The following CEP290 variants were observed in gnomAD, a reference collection of about 807,000 sequenced individuals.
CEP290 encodes the protein centrosomal protein of 290 kDa.
Under a neutral mutation model 344.9 loss-of-function variants are expected in CEP290, and 317 were observed. That is an observed-to-expected ratio of 0.92 (90% CI 0.84 to 1.01). CEP290 has a LOEUF of 1.01. Among genes scored for constraint, CEP290 ranks in the 50% least tolerant of loss-of-function variants. The pLI is 0.00. For missense variants in CEP290, 2,754 were observed against 2,761.4 expected, an observed-to-expected ratio of 1.00 and a Z score of 0.06; for synonymous variants, 932 against 895.8, an observed-to-expected ratio of 1.04 and a Z score of -0.72.
At chr12:88,141,653 G>C (rs889275955) in intron 1 of CEP290, among the ~76,000 whole-genome samples, 2 of 152,028 alleles carry the variant, frequency 1.3e-5, no homozygotes, top group Admixed American at 6.6e-5. Flanking sequence ...CCTGGCAAGC[G>C]CGAGGGTCTG....
chr12:88,137,222 TA>T (rs2040398936), intron 5 of CEP290, among the ~76,000 whole-genome samples: 1 of 152,180 alleles, frequency 6.6e-6, no homozygotes, highest in Admixed American at 6.5e-5. Context: ...CTTTCTAGCA[TA>T]ATGGACATGC....
At chr12:88,113,794 C>A (rs2038859810) in intron 20 of CEP290, among the ~76,000 whole-genome samples, 1 of 151,124 alleles carries the variant, frequency 6.6e-6, no homozygotes, top group Non-Finnish European at 1.5e-5. Context: ...ATGAGTAAAT[C>A]TTTAAACATT....
At chr12:88,082,908 G>A in intron 37 of CEP290, 123 bp downstream of exon 37, 1 of 589,026 alleles carries the variant, frequency 1.7e-6, no homozygotes, top group East Asian at 3.2e-5. Flanking sequence ...CAGTCCTGAG[G>A]ATAAAAATGA....
intron 20 of CEP290, among the ~76,000 whole-genome samples, 178 bp downstream of exon 20, chr12:88,114,242 T>C (rs1366038156): frequency 6.6e-6 from 1 of 152,040 alleles, no homozygotes; most frequent in African/African-American, 2.4e-5. Context: ...ATAACAATTA[T>C]CCAATTGGTA....
intron 3 of CEP290, among the ~76,000 whole-genome samples, chr12:88,140,210 T>A (rs1159095497): frequency 1.3e-5 from 2 of 152,226 alleles, no homozygotes; most frequent in African/African-American, 4.8e-5. Flanking sequence ...CCAATTGCTA[T>A]TATTCTAATC....
chr12:88,092,161 A>G (rs2037099051), intron 29 of CEP290, among the ~76,000 whole-genome samples: 1 of 152,248 alleles, frequency 6.6e-6, no homozygotes, highest in Non-Finnish European at 1.5e-5. Context: ...AAACAAAAAT[A>G]TAACCTCAAG....
chr12:88,080,428 T>C, intron 37 of CEP290, 33 bp from the exon 38 acceptor site: 1 of 1,497,518 alleles, frequency 6.7e-7, no homozygotes, highest in Non-Finnish European at 9.1e-7. Context: ...TGTGTGTGTT[T>C]TTTAATTTTT....
chr12:88,141,370 G>C, intron 1 of CEP290, 36 bp from the exon 2 acceptor site: 1 of 1,068,568 alleles, frequency 9.4e-7, no homozygotes. Flanking sequence ...CATTTTCAAG[G>C]TACACAGTAT....
At position 88,071,924 on chromosome 12, in the gene CEP290, AT is replaced by A. The variant is rs767750145; in HGVS notation, c.5711del (p.Asn1904MetfsTer6). ...CCCACCTAATTAATTCTTCTTTAGCATTCTGTAACAATAACGAAGGAGGTAG... is the reference window on the plus strand; with the variant it reads ...CCCACCTAATTAATTCTTCTTTAGCATCTGTAACAATAACGAAGGAGGTAG... ...EVDLKPMKEK[N>X]AKEELIRWEE... On this transcript the variant is annotated frameshift_variant and splice_region_variant, in exon 42 of 54. Coordinates refer to ENST00000552810, the MANE Select transcript of CEP290 (RefSeq NM_025114.4). LOFTEE classifies it high-confidence loss of function. 6.3e-7 allele frequency: 1 copy of A among 1,582,042 alleles called. No individual in the cohort carries two copies. The highest frequency in any genetic ancestry group is 1.2e-5 in the South Asian group (1 of 83,350).
chr12:88,119,559 G>A (rs1280745616), intron 15 of CEP290, among the ~76,000 whole-genome samples: 1 of 152,106 alleles, frequency 6.6e-6, no homozygotes, highest in African/African-American at 2.4e-5. Context: ...AGCACTTTGG[G>A]AGGCCAAGGC....
chr12:88,106,854 C>A lies in CEP290; in HGVS notation c.2638G>T (p.Ala880Ser), dbSNP rs147362398. 1.3e-4 allele frequency: 217 copies of A among 1,607,732 alleles called. No individual in the cohort carries two copies. The East Asian group carries it at 4.7e-3, about 35-fold the overall frequency. ...ACAGTAATTTTCCTACTATTTTCTG[C>A]AAGTATTTTTTTCATTTCATCCGAA... is the stretch of plus-strand genomic sequence containing the variant. ...MDSDEMKKIL[A>S]ENSRKITVLQ... is the part of the protein sequence containing the mutation. Residue 880 changes from alanine (A) to serine (S), a missense_variant, in exon 25 of 54, where the codon GCA (alanine) becomes TCA (serine). Coordinates refer to ENST00000552810, the MANE Select transcript of CEP290 (RefSeq NM_025114.4).
In CEP290 at chr12:88,114,481, T is replaced by C. The variant is rs79705698; in HGVS notation, c.1991A>G (p.Asp664Gly). ...TGTTTCTCCTCCTTTAACATCAGGA[T>C]CTTTCTGCATTTCCTTAATTGCTTG... ...ILQAIKEMQK[D>G]PDVKGGETSL... The change falls in exon 20 of 54, where the codon GAT becomes GGT. Residue 664 changes from aspartate (D) to glycine (G), a missense_variant. Physicochemically the swap from Asp to Gly is moderately conservative, Grantham distance 94. Coordinates refer to ENST00000552810, the MANE Select transcript of CEP290 (RefSeq NM_025114.4). The C allele has an allele frequency of 0.022, 33,965 of 1,548,028 alleles. 1,524 individuals carry two copies. Among genetic ancestry groups the C allele is most frequent in the East Asian group, 0.21 (8,641 of 40,710 alleles).
chr12:88,092,813 T>C lies in CEP290; in HGVS notation c.3329A>G (p.Asp1110Gly). Residue 1110 changes from aspartate to glycine, a missense_variant, in exon 29 of 54, where the codon GAT becomes GGT. Coordinates refer to ENST00000552810, the MANE Select transcript of CEP290 (RefSeq NM_025114.4). ...TAACATCTGTTCCACCTTCTGTGCA[T>C]CCAAATTGATTTTGGTAAGCTAAGG... is the stretch of plus-strand genomic sequence containing the variant. The part of the protein sequence containing the change: ...KFAELTKINL[D>G]AQKVEQMLRD... 2 of 1,609,504 alleles carry C rather than the reference T, an allele frequency of 1.2e-6. No individual in the cohort carries two copies. Among genetic ancestry groups the C allele is most frequent in the Non-Finnish European group, 1.7e-6 (2 of 1,178,320 alleles).
chr12:88,050,003 C>T (rs1375430997), intron 53 of CEP290: 2 of 187,028 alleles, frequency 1.1e-5, no homozygotes, highest in Admixed American at 6.4e-5. Context: ...AGAGGTAAAA[C>T]AGCAAATATT....
chr12:88,117,037 G>A lies in CEP290; in HGVS notation c.1820C>T (p.Ser607Leu). The A allele has an allele frequency of 1.6e-6, 2 of 1,285,152 alleles. No individual in the cohort carries two copies. Among genetic ancestry groups the A allele is most frequent in the Non-Finnish European group, 2.2e-6 (2 of 908,800 alleles). The allele number at this position is 1,285,152 out of a possible 1,614,324, so 79.6% of individuals were successfully genotyped here. ...TTTGCAATACTTTACTATTACCTTT[G>A]ATTGTGCTTCACTCATATTTTTGAG... is the stretch of plus-strand genomic sequence containing the variant. The part of the protein sequence containing the change: ...LSLKNMSEAQ[S>L]KNEFLSRELI... The change falls in exon 18 of 54, where the codon TCA becomes TTA. Residue 607 changes from serine to leucine, a missense_variant. Physicochemically the swap from Ser to Leu is moderately radical, Grantham distance 145 (BLOSUM62 -2). Coordinates refer to ENST00000552810, the MANE Select transcript of CEP290 (RefSeq NM_025114.4).
chr12:88,111,012 C>A (rs915821162), intron 22 of CEP290, among the ~76,000 whole-genome samples, 190 bp downstream of exon 22: 1 of 152,004 alleles, frequency 6.6e-6, no homozygotes, highest in African/African-American at 2.4e-5. Flanking sequence ...AAATATATTT[C>A]ACTGTTACTA....
At chr12:88,111,166 T>C in intron 22 of CEP290, 36 bp downstream of exon 22, 2 of 1,229,694 alleles carry the variant, frequency 1.6e-6, no homozygotes, top group Non-Finnish European at 2.1e-6. Flanking sequence ...TATTCACATG[T>C]AAAATTTTCA....
chr12:88,138,933 A>T (rs2040486661), intron 5 of CEP290, among the ~76,000 whole-genome samples: 1 of 152,208 alleles, frequency 6.6e-6, no homozygotes, highest in South Asian at 2.1e-4. Flanking sequence ...TCCATCCAGC[A>T]GTTAACTTCT....
chr12:88,093,365 A>G (rs1352943142), intron 28 of CEP290, among the ~76,000 whole-genome samples: 7 of 152,094 alleles, frequency 4.6e-5, no homozygotes, highest in Non-Finnish European at 1.0e-4. Flanking sequence ...TCAAAAATAT[A>G]TAAAACCACC....
Sources: gnomAD v4.1 joint callset for allele counts (sites outside exome capture counted in the v4.1 genomes callset) on GRCh38, gnomAD v4.1.1 for gene constraint, MANE v1.5 for transcripts, NCBI Gene and HGNC (gene_info 2026-07-23, HGNC 2026-07-21) for gene names.